The following EP400 variants were observed in gnomAD, a reference collection of about 807,000 sequenced individuals.
The protein encoded by EP400 is E1A binding protein p400.
A neutral mutation model predicts 354.1 loss-of-function variants in EP400; 105 were observed. The observed-to-expected ratio is 0.30, with a 90% CI of 0.25 to 0.35. The LOEUF (loss-of-function observed/expected upper bound fraction) is 0.35. Among genes scored for constraint, EP400 ranks in the 10% least tolerant of loss-of-function variants. The pLI, the probability that EP400 is intolerant of heterozygous loss-of-function variation, is 1.00. For synonymous variants in EP400, 1,646 were observed against 1,716.9 expected (o/e 0.96, Z 1.02); for missense variants, 3,280 against 4,121.0 (o/e 0.80, Z 5.59).
chr12:132,041,145 C>G (rs1894890735), intron 32 of EP400, among the ~76,000 whole-genome samples: 1 of 152,216 alleles, frequency 6.6e-6, no homozygotes, highest in African/African-American at 2.4e-5. Context: ...GGAGACAGAT[C>G]CACGTTAGCG....
At chr12:131,957,525 C>CTTT (rs35977358) in intron 1 of EP400, among the ~76,000 whole-genome samples, 5 of 118,522 alleles carry the variant, frequency 4.2e-5, no homozygotes, top group South Asian at 5.0e-4. Flanking sequence ...TTCTTTCTTT[C>CTTT]TTTTTTTTTT....
intron 1 of EP400, among the ~76,000 whole-genome samples, chr12:131,953,042 T>C (rs1033944561): frequency 2.6e-5 from 4 of 152,280 alleles, no homozygotes; most frequent in Admixed American, 6.5e-5. Context: ...GCATTCTCAG[T>C]GAGGGCGATA....
At chr12:132,077,315 T>C (rs1233302962) in intron 52 of EP400, 86 bp from the exon 53 acceptor site, 11 of 1,506,098 alleles carry the variant, frequency 7.3e-6, no homozygotes, top group Non-Finnish European at 9.8e-6. Flanking sequence ...GTTTCTCGAG[T>C]CCTCCCCATC....
At chr12:131,958,597 C>A (rs937110236) in intron 1 of EP400, among the ~76,000 whole-genome samples, 12 of 152,168 alleles carry the variant, frequency 7.9e-5, no homozygotes, top group African/African-American at 2.7e-4. Flanking sequence ...TTCTTCATTG[C>A]AGCATCGATT....
intron 45 of EP400, among the ~76,000 whole-genome samples, chr12:132,059,231 A>G (rs1403376016): frequency 6.6e-6 from 1 of 152,128 alleles, no homozygotes; most frequent in Non-Finnish European, 1.5e-5. Flanking sequence ...TAAAAAGGAA[A>G]CTATTGATAC....
intron 34 of EP400, among the ~76,000 whole-genome samples, 195 bp downstream of exon 34, chr12:132,043,923 C>T (rs559889145): frequency 1.3e-5 from 2 of 152,264 alleles, no homozygotes; most frequent in South Asian, 4.2e-4. Context: ...CACGTAGGGA[C>T]CATGGGGCTT....
intron 23 of EP400, among the ~76,000 whole-genome samples, 190 bp downstream of exon 23, chr12:132,021,511 C>T (rs1894123003): frequency 6.6e-6 from 1 of 152,266 alleles, no homozygotes; most frequent in Non-Finnish European, 1.5e-5. Context: ...CTGTGGAGGC[C>T]ACATCCGGCC....
At chr12:132,009,292 G>T (rs1893685686) in intron 15 of EP400, among the ~76,000 whole-genome samples, 1 of 152,062 alleles carries the variant, frequency 6.6e-6, no homozygotes, top group South Asian at 2.1e-4. Flanking sequence ...ACAGATGAGT[G>T]AATCAGTCAG....
rs1195985022 is a variant in EP400 at position 132,030,224 on chromosome 12, G to C, written c.5754+66G>C. On this transcript the variant is annotated intron_variant, in intron 29 of 52. Coordinates refer to ENST00000389561, the MANE Select transcript of EP400 (RefSeq NM_015409.5). ...CACTGGTGTTGAATGCCTAAGTGCT[G>C]TGTAAATTCAGTGGTCTCATGGCCC... 5 of 1,564,988 alleles carry C rather than the reference G, an allele frequency of 3.2e-6. No homozygotes were observed. In the East Asian group the frequency reaches 1.1e-4, roughly 35 times the overall value.
chr12:131,981,394 CT>C, intron 3 of EP400, 94 bp from the exon 4 acceptor site: 3 of 1,008,944 alleles, frequency 3.0e-6, no homozygotes, highest in Non-Finnish European at 2.9e-6. Flanking sequence ...AAAGGCCTCC[CT>C]TTTCCAAGAT....
rs978540869 is a variant in EP400 at position 132,029,606 on chromosome 12, G to C, written c.5382-95G>C. ...GAGCCCTGCTGTTTCCTGGGACTTG[G>C]ACTGTCAGAAGTCTGCCCCATCTTT... On this transcript the variant is annotated intron_variant, in intron 27 of 52. Coordinates refer to ENST00000389561, the MANE Select transcript of EP400 (RefSeq NM_015409.5). The surrounding 1 kb of genome is among the most constrained non-coding windows in gnomAD (Gnocchi z 4.7). 36 of 1,367,250 alleles carry C rather than the reference G, an allele frequency of 2.6e-5. No individual in the cohort carries two copies. Among genetic ancestry groups the C allele is most frequent in the Non-Finnish European group, 3.2e-5 (31 of 981,342 alleles). The allele number at this position is 1,367,250 out of a possible 1,614,324, so 84.7% of individuals were successfully genotyped here.
intron 2 of EP400, among the ~76,000 whole-genome samples, chr12:131,964,135 T>C (rs1891996022): frequency 1.3e-5 from 2 of 152,332 alleles, no homozygotes; most frequent in South Asian, 4.1e-4. Context: ...ACTGATTATT[T>C]TTAATTTTTT....
intron 23 of EP400, among the ~76,000 whole-genome samples, chr12:132,022,089 A>G (rs1399549201): frequency 6.6e-6 from 1 of 152,200 alleles, no homozygotes; most frequent in Non-Finnish European, 1.5e-5. Context: ...AGTTCAAACT[A>G]ATTCTCTTTC....
chr12:131,961,130 G>T lies in EP400; in HGVS notation c.511G>T (p.Val171Leu). The change falls in exon 2 of 53, where the codon GTG becomes TTG. Residue 171 changes from valine (V) to leucine (L), a missense_variant. By Grantham distance (32) the Val-to-Leu change is conservative. Coordinates refer to ENST00000389561, the MANE Select transcript of EP400 (RefSeq NM_015409.5). The stretch of plus-strand genomic sequence containing the variant: ...CAGCAGCAGCCCTACAGGGGGCTTC[G>T]TGGATGCCAGCGTGCTGGTGAGGCA... ...LCSSSPTGGF[V>L]DASVLVRQIS... 1 of 1,611,594 alleles carries T rather than the reference G, an allele frequency of 6.2e-7. No individual in the cohort carries two copies. Among genetic ancestry groups the T allele is most frequent in the East Asian group, 2.2e-5 (1 of 44,756 alleles).
Position 131,991,436 on chromosome 12 carries a change from G to C in EP400, c.2659G>C (p.Ala887Pro). The change falls in exon 10 of 53, where the codon GCA becomes CCA. Residue 887 changes from alanine to proline, a missense_variant. Transcript: ENST00000389561. ...AGAATTGAGACCTAAAGGATTTGAC[G>C]CATTACAGGAAAGTTCTCTGGTAAG... Reference protein sequence around the residue: ...GKELRPKGFDALQESSLDSGM... With the variant: ...GKELRPKGFDPLQESSLDSGM... 6.2e-7 allele frequency: 1 copy of C among 1,614,030 alleles called. No individual in the cohort carries two copies. Among genetic ancestry groups the C allele is most frequent in the Non-Finnish European group, 8.5e-7 (1 of 1,179,958 alleles).
At chr12:132,061,704 C>A (rs892355332) in intron 45 of EP400, among the ~76,000 whole-genome samples, 3 of 152,188 alleles carry the variant, frequency 2.0e-5, no homozygotes, top group African/African-American at 7.2e-5. Flanking sequence ...ACACTCAGGG[C>A]TGTAGTTTCA....
rs773066144 is a variant in EP400, at chr12:132,011,566, C to T, written c.3373C>T (p.Arg1125Cys). ...ACTCAAGTGGGAGCTTGAATTGAAA[C>T]GTTGGTGTCCCGGACTCAAAATCCT... ...NILKWELELKRWCPGLKILSY... is the reference protein window; with the variant it reads ...NILKWELELKCWCPGLKILSY... Residue 1125 changes from arginine to cysteine, a missense_variant, in exon 16 of 53, where the codon CGT becomes TGT. By Grantham distance (180) the Arg-to-Cys change is radical. Around this residue, in one of 20 missense-constraint regions of EP400, gnomAD observed 242 missense variants for 357.9 expected, o/e 0.68. Transcript: ENST00000389561. The T allele has an allele frequency of 8.1e-6, 13 of 1,613,832 alleles. No homozygotes were observed. Among genetic ancestry groups the T allele is most frequent in the Middle Eastern group, 1.6e-4 (1 of 6,082 alleles).
chr12:131,972,721 C>T (rs1252225043), intron 2 of EP400, among the ~76,000 whole-genome samples: 2 of 142,100 alleles, frequency 1.4e-5, no homozygotes, highest in Non-Finnish European at 3.0e-5. Flanking sequence ...CACCCTAACA[C>T]AACCTTTTTT....
intron 30 of EP400, among the ~76,000 whole-genome samples, chr12:132,036,060 C>T (rs61944611): frequency 0.12 from 18,612 of 150,792 alleles, 1,478 homozygotes; most frequent in African/African-American, 0.24. Flanking sequence ...TCACACGGAA[C>T]GTCTTAGAAG....
Sources: allele counts gnomAD v4.1 joint callset (sites outside exome capture counted in the v4.1 genomes callset), GRCh38; gene constraint gnomAD v4.1.1; regional missense constraint gnomAD v4.1.1; non-coding constraint Gnocchi (gnomAD v3.1); transcripts MANE v1.5; gene names NCBI Gene and HGNC (gene_info 2026-07-23, HGNC 2026-07-21).